Variants in ANXA2 observed in about 807,000 individuals in gnomAD.
ANXA2 encodes the protein annexin A2, also known as annexin II.
A neutral mutation model predicts 47.3 loss-of-function variants in ANXA2; 28 were observed. That is an observed-to-expected ratio of 0.59 (90% CI 0.44 to 0.81). The LOEUF is 0.81. Ranked by LOEUF, ANXA2 falls within the 40% of genes least tolerant of loss-of-function variation. The pLI, the probability that ANXA2 is intolerant of heterozygous loss-of-function variation, is 0.00. For missense variants in ANXA2, 384 were observed against 414.3 expected, an observed-to-expected ratio of 0.93 and a Z score of 0.64; for synonymous variants, 172 against 155.5, an observed-to-expected ratio of 1.11 and a Z score of -0.79.
Position 60,392,996 on chromosome 15 carries a change from C to T in ANXA2, c.-12+4947G>A. The T allele has an allele frequency of 2.4e-6, 3 of 1,266,870 alleles. No homozygotes were observed. In the South Asian group the frequency reaches 3.9e-5, roughly 16 times the overall value. 78.5% of individuals were successfully genotyped at this position (1,266,870 alleles called of 1,614,324 possible). On this transcript the variant is annotated intron_variant, in intron 1 of 12. Coordinates refer to ENST00000451270, the MANE Select transcript of ANXA2 (RefSeq NM_004039.3). Reference sequence around the variant, plus strand: ...GGTGAGGAGAGGGGTTCCCACTGTACTCCATCCTCCACCCACCTACTGCAT... The same window carrying T: ...GGTGAGGAGAGGGGTTCCCACTGTATTCCATCCTCCACCCACCTACTGCAT...
At position 60,361,075 on chromosome 15, in the gene ANXA2, A is replaced by G. The variant is rs201201958; in HGVS notation, c.244-21T>C. On this transcript the variant is annotated intron_variant, in intron 4 of 12. Coordinates refer to ENST00000451270, the MANE Select transcript of ANXA2 (RefSeq NM_004039.3). ...AGTTCCTTCAAGATAACAGGCAATC[A>G]TAAGGAAAATATTTATTTTACTTTA... The G allele has an allele frequency of 3.0e-5, 45 of 1,479,954 alleles. 1 individual carries two copies. In the African/African-American group the frequency reaches 5.5e-4, roughly 18 times the overall value. 91.7% of individuals were successfully genotyped at this position (1,479,954 alleles called of 1,614,324 possible). A position where few individuals can be genotyped will look rare whatever the true frequency, so the allele number is the denominator to read the frequency against.
chr15:60,389,330 AC>A (rs1230735937), intron 1 of ANXA2, among the ~76,000 whole-genome samples: 1 of 152,200 alleles, frequency 6.6e-6, no homozygotes, highest in East Asian at 1.9e-4. Context: ...GAAATCAGAC[AC>A]CTCACATTGG....
chr15:60,372,651 A>C (rs1019307277), intron 3 of ANXA2, among the ~76,000 whole-genome samples: 4 of 150,426 alleles, frequency 2.7e-5, no homozygotes, highest in African/African-American at 9.8e-5. Flanking sequence ...TCACTACCCT[A>C]TAGGACATTA....
At chr15:60,360,091 T>C (rs542616091) in intron 5 of ANXA2, among the ~76,000 whole-genome samples, 1 of 152,288 alleles carries the variant, frequency 6.6e-6, no homozygotes, top group Non-Finnish European at 1.5e-5. Flanking sequence ...ATCCCGTCTC[T>C]ACTAAAAATA....
At chr15:60,392,156 T>C (rs1350738905) in intron 1 of ANXA2, among the ~76,000 whole-genome samples, 1 of 152,212 alleles carries the variant, frequency 6.6e-6, no homozygotes, top group Admixed American at 6.5e-5. Context: ...GGCCCCACCC[T>C]AATGAAAAGA....
intron 3 of ANXA2, among the ~76,000 whole-genome samples, chr15:60,372,692 CTTTTTTT>C (rs574095449): frequency 7.5e-6 from 1 of 132,738 alleles, no homozygotes; most frequent in Non-Finnish European, 1.6e-5. Flanking sequence ...ACAATCTTTC[CTTTTTTT>C]TTTTTTTTTT....
intron 1 of ANXA2, chr15:60,391,401 C>G (rs1244393308): frequency 2.6e-5 from 4 of 152,258 alleles, no homozygotes; most frequent in Non-Finnish European, 5.9e-5. Context: ...GGGGGAAGGC[C>G]TGGGGAGAGG....
intron 3 of ANXA2, among the ~76,000 whole-genome samples, chr15:60,375,347 A>T (rs1469801664): frequency 6.6e-6 from 1 of 152,132 alleles, no homozygotes; most frequent in Non-Finnish European, 1.5e-5. Context: ...CCAGAGAGAG[A>T]CCAAAGCTGT....
chr15:60,354,651 GA>G (rs2062399551), intron 7 of ANXA2, among the ~76,000 whole-genome samples: 1 of 147,268 alleles, frequency 6.8e-6, no homozygotes, highest in Non-Finnish European at 1.5e-5. Context: ...AGAAAGAAAA[GA>G]AAAAGAAAAA....
At position 60,374,164 on chromosome 15, in the gene ANXA2, T is replaced by C. The variant is rs557415931; in HGVS notation, c.148+8178A>G. Among the ~76,000 whole-genome samples, 10 of 152,306 alleles carry C rather than the reference T, an allele frequency of 6.6e-5. No individual in the cohort carries two copies. The South Asian group carries it at 8.3e-4, about 13-fold the overall frequency. ...TTGATCTCACTTCAGCTGAGTTCCT[T>C]AGAAAGGATTTAAGGTATCATCGAC... On this transcript the variant is annotated intron_variant, in intron 3 of 12. Coordinates refer to ENST00000451270, the MANE Select transcript of ANXA2 (RefSeq NM_004039.3).
chr15:60,351,103 T>C (rs3743269), intron 11 of ANXA2, 90 bp downstream of exon 11: 1,057,469 of 1,389,044 alleles, frequency 0.76, 404,853 homozygotes, highest in Admixed American at 0.88. Context: ...GTCCCCTTCC[T>C]CCATCCATGA....
chr15:60,364,811 G>A (rs2062570081), intron 3 of ANXA2, among the ~76,000 whole-genome samples: 1 of 151,896 alleles, frequency 6.6e-6, no homozygotes, highest in Non-Finnish European at 1.5e-5. Context: ...GGAATCAACA[G>A]TAGGAGGTGC....
Position 60,349,040 on chromosome 15 carries a change from C to T in ANXA2, c.960+35G>A, listed in dbSNP as rs59935859. Reference sequence around the variant, plus strand: ...CTGCCAGGGCCCGGGGTGCTCTGGACGGCAGGGCAGGCTGACACTGCACCT... The same window carrying T: ...CTGCCAGGGCCCGGGGTGCTCTGGATGGCAGGGCAGGCTGACACTGCACCT... On this transcript the variant is annotated intron_variant, in intron 12 of 12. Coordinates refer to ENST00000451270, the MANE Select transcript of ANXA2 (RefSeq NM_004039.3). The T allele has an allele frequency of 6.4e-3, 10,364 of 1,612,862 alleles. 275 individuals carry two copies. In the African/African-American group the frequency reaches 0.078, roughly 12 times the overall value.
At chr15:60,393,105 A>C in intron 1 of ANXA2, 1 of 1,287,094 alleles carries the variant, frequency 7.8e-7, no homozygotes, top group African/African-American at 1.5e-5. Flanking sequence ...CACAGGGCCA[A>C]CTCATTCCCC....
At chr15:60,364,656 G>T in intron 3 of ANXA2, 133 bp from the exon 4 acceptor site, 1 of 617,136 alleles carries the variant, frequency 1.6e-6, no homozygotes. Context: ...CAGACACCAA[G>T]ATTTGTTCTA....
chr15:60,381,335 A>C (rs895945676), intron 3 of ANXA2, among the ~76,000 whole-genome samples: 9 of 152,220 alleles, frequency 5.9e-5, no homozygotes, highest in Admixed American at 3.9e-4. Flanking sequence ...TCTGCATCCC[A>C]ATCTGGCCTC....
Position 60,360,967 on chromosome 15 carries a change from C to T in ANXA2, c.331G>A (p.Ala111Thr), listed in dbSNP as rs373508768. The T allele has an allele frequency of 1.8e-5, 29 of 1,610,894 alleles. No individual in the cohort carries two copies. In the Middle Eastern group the frequency reaches 5.0e-4, roughly 28 times the overall value. ...GLLKTPAQYDASELKASMKGL... is the reference protein window; with the variant it reads ...GLLKTPAQYDTSELKASMKGL... Reference sequence around the variant, plus strand: ...TTCATGGAAGCTTTTAGCTCAGAAGCGTCATACTGAGCAGGTGTCTTCAAT... The same window carrying T: ...TTCATGGAAGCTTTTAGCTCAGAAGTGTCATACTGAGCAGGTGTCTTCAAT... Residue 111 changes from alanine (A) to threonine (T), a missense_variant, in exon 5 of 13, where the codon GCT becomes ACT. By Grantham distance (58) the Ala-to-Thr change is moderately conservative. Transcript: ENST00000451270.
intron 2 of ANXA2, chr15:60,384,390 AACCTATT>A (rs1401231639): frequency 6.6e-6 from 1 of 152,236 alleles, no homozygotes; most frequent in African/African-American, 2.4e-5. Flanking sequence ...TCGAGAATTG[AACCTATT>A]ACCTATAAAA....
At chr15:60,357,405 G>T (rs1007734968) in intron 5 of ANXA2, among the ~76,000 whole-genome samples, 169 bp from the exon 6 acceptor site, 3 of 152,054 alleles carry the variant, frequency 2.0e-5, no homozygotes, top group African/African-American at 7.2e-5. Context: ...CAAAGTAATG[G>T]CATTTTCTAT....
Sources: allele counts gnomAD v4.1 joint callset (sites outside exome capture counted in the v4.1 genomes callset), GRCh38; gene constraint gnomAD v4.1.1; transcripts MANE v1.5; gene names NCBI Gene and HGNC (gene_info 2026-07-23, HGNC 2026-07-21).